The following PCCA variants were observed in gnomAD, a reference collection of about 807,000 sequenced individuals.
PCCA encodes propionyl-CoA carboxylase subunit alpha, also known as propionyl-CoA carboxylase alpha chain, mitochondrial.
A neutral mutation model predicts 101.3 loss-of-function variants in PCCA; 74 were observed. The observed-to-expected ratio is 0.73, with a 90% CI of 0.61 to 0.89. PCCA has a LOEUF of 0.89. PCCA is among the 40% of genes least tolerant of loss of function. PCCA has a pLI of 0.00. For missense variants in PCCA, 891 were observed against 907.0 expected (o/e 0.98, Z 0.23); for synonymous variants, 294 against 313.6 (o/e 0.94, Z 0.66).
rs183045413 is a variant in PCCA at position 100,316,867 on chromosome 13, A to G, written c.1429+6959A>G. On this transcript the variant is annotated intron_variant, in intron 16 of 23. Transcript: ENST00000376285. ...CGGCTCATTGCAGCCTCTGCCTCCC[A>G]GGTTCAAGCAATTCTCCTGCCTCAG... is the stretch of plus-strand genomic sequence containing the variant. 5.3e-5 allele frequency among the ~76,000 whole-genome samples: 8 copies of G among 151,724 alleles called. No homozygotes were observed. In the East Asian group the frequency reaches 1.5e-3, roughly 29 times the overall value.
chr13:100,180,286 C>T (rs2056673778), intron 6 of PCCA, among the ~76,000 whole-genome samples: 1 of 152,140 alleles, frequency 6.6e-6, no homozygotes, highest in Non-Finnish European at 1.5e-5. Flanking sequence ...TCTTGGGCAT[C>T]CACCTGTAGA....
intron 21 of PCCA, among the ~76,000 whole-genome samples, chr13:100,463,081 G>C (rs2082277332): frequency 6.6e-6 from 1 of 152,208 alleles, no homozygotes; most frequent in Non-Finnish European, 1.5e-5. Flanking sequence ...GATGGAGAAA[G>C]AGGACGGAAT....
intron 19 of PCCA, among the ~76,000 whole-genome samples, chr13:100,369,548 G>A (rs902138900): frequency 3.3e-5 from 5 of 152,144 alleles, no homozygotes; most frequent in African/African-American, 1.2e-4. Context: ...TGTTGCCCTG[G>A]AGAAGCTGAC....
intron 16 of PCCA, among the ~76,000 whole-genome samples, chr13:100,320,352 C>T (rs2067886691): frequency 6.6e-6 from 1 of 152,204 alleles, no homozygotes; most frequent in Admixed American, 6.5e-5. Context: ...CCAGAACTTC[C>T]AACACTATGT....
At chr13:100,205,202 A>G (rs2058780197) in intron 6 of PCCA, among the ~76,000 whole-genome samples, 1 of 152,212 alleles carries the variant, frequency 6.6e-6, no homozygotes, top group South Asian at 2.1e-4. Context: ...GAAGGTTACT[A>G]GTGGATAAAA....
At chr13:100,269,380 G>T (rs1343027388) in intron 11 of PCCA, among the ~76,000 whole-genome samples, 1 of 152,168 alleles carries the variant, frequency 6.6e-6, no homozygotes, top group Non-Finnish European at 1.5e-5. Flanking sequence ...GAACCTGATG[G>T]TACTTCACGG....
At chr13:100,498,643 G>A (rs2085447211) in intron 21 of PCCA, among the ~76,000 whole-genome samples, 1 of 152,042 alleles carries the variant, frequency 6.6e-6, no homozygotes, top group Admixed American at 6.6e-5. Context: ...TTTCCATTAA[G>A]TGATCACTCC....
At chr13:100,380,041 A>G (rs1323480994) in intron 19 of PCCA, among the ~76,000 whole-genome samples, 1 of 151,998 alleles carries the variant, frequency 6.6e-6, no homozygotes, top group Non-Finnish European at 1.5e-5. Context: ...AAACACACAC[A>G]CACACACACA....
intron 2 of PCCA, among the ~76,000 whole-genome samples, chr13:100,105,137 T>G (rs1173376842): frequency 6.6e-6 from 1 of 152,208 alleles, no homozygotes; most frequent in Non-Finnish European, 1.5e-5. Flanking sequence ...TTCTTTTTTT[T>G]GGGCCCTAAG....
chr13:100,295,016 C>T (rs1394480034), intron 12 of PCCA, among the ~76,000 whole-genome samples: 4 of 152,110 alleles, frequency 2.6e-5, no homozygotes, highest in Admixed American at 1.3e-4. Context: ...ACCATTGTTT[C>T]CAAGGTGAGT....
chr13:100,234,626 T>C (rs1402902637), intron 7 of PCCA, among the ~76,000 whole-genome samples: 2 of 140,566 alleles, frequency 1.4e-5, no homozygotes, highest in African/African-American at 5.6e-5. Flanking sequence ...GGGGATGTTA[T>C]TAGGTACTGA....
chr13:100,195,697 T>C (rs2058062465), intron 6 of PCCA, among the ~76,000 whole-genome samples: 1 of 152,182 alleles, frequency 6.6e-6, no homozygotes, highest in South Asian at 2.1e-4. Flanking sequence ...TTTTCTTACC[T>C]AACACCTCCA....
At position 100,301,559 on chromosome 13, in the gene PCCA, A is replaced by T. The variant is rs1051511347; in HGVS notation, c.1165A>T (p.Ile389Phe). 2.2e-5 allele frequency: 36 copies of T among 1,613,982 alleles called. No individual in the cohort carries two copies. Among genetic ancestry groups the T allele is most frequent in the Non-Finnish European group, 3.0e-5 (35 of 1,179,972 alleles). ...GYPLRHKQAD[I>F]RINGWAVECR... ...CCCTCTCAGGCACAAACAAGCTGAT[A>T]TTCGCATCAACGGCTGGGCAGTTGA... Residue 389 changes from isoleucine to phenylalanine, a missense_variant, in exon 13 of 24, where the codon ATT (isoleucine) becomes TTT (phenylalanine). Physicochemically the swap from Ile to Phe is conservative, Grantham distance 21. Coordinates refer to ENST00000376285, the MANE Select transcript of PCCA (RefSeq NM_000282.4).
In PCCA at chr13:100,515,519, C is replaced by T; in HGVS notation, c.1992C>T (p.Ser664=). 6.2e-7 allele frequency: 1 copy of T among 1,614,124 alleles called. No individual in the cohort carries two copies. The highest frequency in any genetic ancestry group is 8.5e-7 in the Non-Finnish European group (1 of 1,180,022). ...AGGACACAAGCAGTGTTCTGCGTTC[C>T]CCGATGCCCGGAGTGGTGGTGGCCG... The part of the protein sequence containing the change: ...VTEDTSSVLR[S]PMPGVVVAVS... Residue 664 remains serine (S), a synonymous_variant, in exon 22 of 24, where the codon TCC becomes TCT. Transcript: ENST00000376285.
intron 19 of PCCA, among the ~76,000 whole-genome samples, chr13:100,385,052 A>G (rs190548483): frequency 2.7e-3 from 406 of 152,218 alleles, no homozygotes; most frequent in Middle Eastern, 0.01. Flanking sequence ...CTTCTTAGGT[A>G]ATTTTTTCAC....
intron 14 of PCCA, among the ~76,000 whole-genome samples, chr13:100,305,101 G>T (rs2066349027): frequency 6.6e-6 from 1 of 152,130 alleles, no homozygotes; most frequent in Admixed American, 6.5e-5. Context: ...AAATATAGCT[G>T]ATTATTACTT....
intron 9 of PCCA, among the ~76,000 whole-genome samples, chr13:100,258,703 T>G (rs2062242961): frequency 1.3e-5 from 2 of 152,222 alleles, no homozygotes; most frequent in Admixed American, 6.5e-5. Flanking sequence ...TTTATAAATT[T>G]TAATTTACAG....
At chr13:100,115,189 T>C (rs1045140029) in intron 4 of PCCA, among the ~76,000 whole-genome samples, 1 of 152,118 alleles carries the variant, frequency 6.6e-6, no homozygotes, top group African/African-American at 2.4e-5. Flanking sequence ...AAGTTTTGCA[T>C]GTACTCACTC....
At chr13:100,220,707 G>T (rs774733587) in intron 7 of PCCA, among the ~76,000 whole-genome samples, 1 of 152,138 alleles carries the variant, frequency 6.6e-6, no homozygotes, top group Admixed American at 6.5e-5. Context: ...TATCCTTGGT[G>T]AAATGATGCC....
Sources: allele counts gnomAD v4.1 joint callset (sites outside exome capture counted in the v4.1 genomes callset), GRCh38; gene constraint gnomAD v4.1.1; transcripts MANE v1.5; gene names NCBI Gene and HGNC (gene_info 2026-07-23, HGNC 2026-07-21).